The following DIP2C variants were observed in gnomAD, a reference collection of about 807,000 sequenced individuals.
DIP2C encodes disco-interacting protein 2 homolog C.
DIP2C carries 33 observed loss-of-function variants against 192.4 expected under a neutral mutation model. The observed-to-expected ratio is 0.17, with a 90% CI of 0.13 to 0.23. The LOEUF is 0.23. Among genes scored for constraint, DIP2C ranks in the 10% least tolerant of loss-of-function variants. DIP2C has a pLI of 1.00. For missense variants in DIP2C, 1,537 were observed against 2,110.1 expected, an observed-to-expected ratio of 0.73 and a Z score of 5.32; for synonymous variants, 979 against 864.1, an observed-to-expected ratio of 1.13 and a Z score of -2.33.
rs561873453 is a variant in DIP2C at position 292,930 on chromosome 10, C to T, written c.3987-4509G>A. On this transcript the variant is annotated intron_variant, in intron 32 of 36. Transcript: ENST00000280886. ...AGGACCACCACCCCCTGGCAGCACC[C>T]GCTAGCTGGCAGAGAATCCATCAGC... is the stretch of plus-strand genomic sequence containing the variant. Among the ~76,000 whole-genome samples the T allele has an allele frequency of 1.4e-4, 22 of 152,366 alleles. No homozygotes were observed. In the East Asian group the frequency reaches 3.5e-3, roughly 24 times the overall value.
intron 1 of DIP2C, among the ~76,000 whole-genome samples, chr10:572,342 CTG>C (rs750012296): frequency 9.2e-5 from 14 of 152,242 alleles, no homozygotes; most frequent in East Asian, 3.8e-4. Flanking sequence ...TTGCAGTTAA[CTG>C]TGCATCCTGA....
chr10:686,651 T>C (rs1831349170), intron 1 of DIP2C, among the ~76,000 whole-genome samples: 1 of 152,246 alleles, frequency 6.6e-6, no homozygotes, highest in South Asian at 2.1e-4. Flanking sequence ...CAGAGAGCCC[T>C]TGTGTTTTGC....
intron 1 of DIP2C, among the ~76,000 whole-genome samples, chr10:505,500 A>G (rs186821717): frequency 3.6e-4 from 55 of 152,202 alleles, no homozygotes; most frequent in Middle Eastern, 6.8e-3. Context: ...GCAATAAACA[A>G]CCTGCCCAGC....
intron 17 of DIP2C, among the ~76,000 whole-genome samples, chr10:374,090 C>A (rs1961297774): frequency 6.6e-6 from 1 of 152,204 alleles, no homozygotes; most frequent in Admixed American, 6.5e-5. Context: ...ATCTGCAGAT[C>A]TTTCCATGTG....
At chr10:484,022 C>T (rs907180881) in intron 2 of DIP2C, among the ~76,000 whole-genome samples, 8 of 152,188 alleles carry the variant, frequency 5.3e-5, no homozygotes, top group African/African-American at 1.7e-4. Flanking sequence ...GTTGCCCAGG[C>T]TGGTCTGAAA....
chr10:304,753 T>A (rs61219705), intron 32 of DIP2C, among the ~76,000 whole-genome samples: 1 of 103,300 alleles, frequency 9.7e-6, no homozygotes, highest in African/African-American at 2.9e-5. Context: ...TACACACACA[T>A]AAAACAGTAC....
chr10:473,312 C>T (rs776845118), intron 2 of DIP2C, among the ~76,000 whole-genome samples: 13 of 152,176 alleles, frequency 8.5e-5, no homozygotes, highest in East Asian at 1.9e-4. Context: ...CACAGTTCCA[C>T]GAAGAACTAC....
intron 1 of DIP2C, among the ~76,000 whole-genome samples, chr10:580,045 C>G (rs560944248): frequency 4.6e-5 from 7 of 151,088 alleles, no homozygotes; most frequent in Admixed American, 4.1e-4. Context: ...ATCCAGTGTA[C>G]ACAGGTATAC....
chr10:444,780 T>A (rs1017091819), intron 3 of DIP2C, among the ~76,000 whole-genome samples: 1 of 152,268 alleles, frequency 6.6e-6, no homozygotes, highest in African/African-American at 2.4e-5. Context: ...TTTTTCCTGA[T>A]GGGAACTAGG....
intron 29 of DIP2C, among the ~76,000 whole-genome samples, chr10:332,112 G>C (rs369403423): frequency 6.6e-6 from 1 of 152,034 alleles, no homozygotes; most frequent in Non-Finnish European, 1.5e-5. Flanking sequence ...CACCATGACT[G>C]GCTAACTTAA....
chr10:599,042 G>A (rs1190330414), intron 1 of DIP2C, among the ~76,000 whole-genome samples: 1 of 152,166 alleles, frequency 6.6e-6, no homozygotes, highest in African/African-American at 2.4e-5. Flanking sequence ...AAGACCGTGT[G>A]GAATAAAGTA....
chr10:284,748 A>G (rs145335055), intron 34 of DIP2C, among the ~76,000 whole-genome samples: 120 of 152,344 alleles, frequency 7.9e-4, no homozygotes, highest in African/African-American at 2.7e-3. Context: ...TTCTCATCAC[A>G]CACACACACA....
chr10:417,674 G>GCAA, intron 6 of DIP2C, among the ~76,000 whole-genome samples: 1 of 9,056 alleles, frequency 1.1e-4, no homozygotes, highest in East Asian at 5.2e-3. Flanking sequence ...GTCAGGGCTC[G>GCAA]GATAGGCCTC....
At chr10:655,497 G>GT (rs1176501797) in intron 1 of DIP2C, among the ~76,000 whole-genome samples, 2 of 151,248 alleles carry the variant, frequency 1.3e-5, no homozygotes, top group Non-Finnish European at 2.9e-5. Context: ...ACTACGCTAC[G>GT]TAATACTCAC....
Position 344,982 on chromosome 10 carries a change from G to A in DIP2C, c.3343+17C>T. ...CAAGGCCGTGAGCAAACCACCTTCT[G>A]CAGCTAAAGCACCAACCTGTGTCCA... On this transcript the variant is annotated intron_variant, in intron 27 of 36. Coordinates refer to ENST00000280886, the MANE Select transcript of DIP2C (RefSeq NM_014974.3). 6.2e-7 allele frequency: 1 copy of A among 1,610,120 alleles called. No individual in the cohort carries two copies. The highest frequency in any genetic ancestry group is 8.5e-7 in the Non-Finnish European group (1 of 1,178,740).
chr10:578,021 T>A lies in DIP2C; in HGVS notation c.86-91491A>T, dbSNP rs563313880. On this transcript the variant is annotated intron_variant, in intron 1 of 36. Transcript: ENST00000280886. ...AAGGTGTGGAAAACTAAGTACTAAT[T>A]TTAAAAATCCAAATAACTACAATCT... Among the ~76,000 whole-genome samples the A allele has an allele frequency of 7.2e-5, 11 of 152,302 alleles. No individual in the cohort carries two copies. In the South Asian group the frequency reaches 2.1e-3, roughly 29 times the overall value.
intron 32 of DIP2C, among the ~76,000 whole-genome samples, chr10:300,026 C>T (rs911412191): frequency 1.3e-5 from 2 of 152,158 alleles, no homozygotes; most frequent in African/African-American, 4.8e-5. Context: ...TGTTGGTGAG[C>T]ACACGGAGAA....
intron 1 of DIP2C, among the ~76,000 whole-genome samples, chr10:657,087 G>A (rs1207549633): frequency 6.6e-6 from 1 of 152,046 alleles, no homozygotes; most frequent in Non-Finnish European, 1.5e-5. Flanking sequence ...ACTTGCCACT[G>A]GACTTGACAC....
chr10:590,894 C>A (rs975453342), intron 1 of DIP2C, among the ~76,000 whole-genome samples: 1 of 152,186 alleles, frequency 6.6e-6, no homozygotes, highest in East Asian at 1.9e-4. Flanking sequence ...AGTGACTGCA[C>A]CAGCTTCATG....
Sources: gnomAD v4.1 joint callset for allele counts (sites outside exome capture counted in the v4.1 genomes callset) on GRCh38, gnomAD v4.1.1 for gene constraint, MANE v1.5 for transcripts, NCBI Gene and HGNC (gene_info 2026-07-23, HGNC 2026-07-21) for gene names.